Variants in WDR27 observed in about 807,000 individuals in gnomAD.
WDR27 encodes the protein WD repeat-containing protein 27.
Under a neutral mutation model 114.4 loss-of-function variants are expected in WDR27, and 100 were observed. The observed-to-expected ratio is 0.87, with a 90% CI of 0.74 to 1.03. The LOEUF (loss-of-function observed/expected upper bound fraction) is 1.03, where lower values mean the gene tolerates loss of function less well. Among genes scored for constraint, WDR27 ranks in the 50% least tolerant of loss-of-function variants. The pLI, the probability that WDR27 is intolerant of heterozygous loss-of-function variation, is 0.00. For missense variants in WDR27, 1,129 were observed against 1,092.9 expected (o/e 1.03, Z -0.47); for synonymous variants, 449 against 423.1 (o/e 1.06, Z -0.75).
intron 1 of WDR27, among the ~76,000 whole-genome samples, chr6:169,700,939 A>T (rs1787792360): frequency 6.6e-6 from 1 of 152,206 alleles, no homozygotes; most frequent in South Asian, 2.1e-4. Context: ...AAATAAACTA[A>T]ATTTATTATT....
chr6:169,481,360 T>C (rs1788027888), intron 25 of WDR27, among the ~76,000 whole-genome samples: 1 of 152,186 alleles, frequency 6.6e-6, no homozygotes, highest in African/African-American at 2.4e-5. Context: ...CAATCAGCTC[T>C]CTGTAAAATG....
intron 23 of WDR27, among the ~76,000 whole-genome samples, chr6:169,601,143 G>A (rs147349302): frequency 6.6e-6 from 1 of 152,220 alleles, no homozygotes; most frequent in South Asian, 2.1e-4. Context: ...CCAGAAGAGA[G>A]TGGGGGCCAA....
intron 23 of WDR27, among the ~76,000 whole-genome samples, chr6:169,598,287 G>A (rs974098963): frequency 5.3e-5 from 8 of 152,272 alleles, no homozygotes; most frequent in South Asian, 4.1e-4. Flanking sequence ...CTGAAACTGC[G>A]TAATATACAA....
At chr6:169,460,329 AT>A (rs1221343789) in intron 25 of WDR27, among the ~76,000 whole-genome samples, 1 of 152,190 alleles carries the variant, frequency 6.6e-6, no homozygotes, top group African/African-American at 2.4e-5. Flanking sequence ...AAGAAACATA[AT>A]TTTTTGTGTT....
chr6:169,571,446 G>A (rs558965312), intron 25 of WDR27, among the ~76,000 whole-genome samples: 3 of 152,056 alleles, frequency 2.0e-5, no homozygotes, highest in Non-Finnish European at 4.4e-5. Flanking sequence ...CCAACTTTTC[G>A]GACTCAAACC....
At chr6:169,630,351 A>G (rs1225806108) in intron 21 of WDR27, among the ~76,000 whole-genome samples, 1 of 152,164 alleles carries the variant, frequency 6.6e-6, no homozygotes, top group Non-Finnish European at 1.5e-5. Context: ...GGTAACAGCG[A>G]GTCACAGTTC....
chr6:169,432,413 A>G, the WDR27 span, among the ~76,000 whole-genome samples: 1 of 152,196 alleles, frequency 6.6e-6, no homozygotes, highest in Non-Finnish European at 1.5e-5. Context: ...GTCCCCACCC[A>G]AATCTCATCT....
At chr6:169,620,073 G>A (rs1406357397) in intron 21 of WDR27, among the ~76,000 whole-genome samples, 1 of 152,186 alleles carries the variant, frequency 6.6e-6, no homozygotes, top group East Asian at 1.9e-4. Context: ...CCCATCTGAC[G>A]AGAATTGATG....
rs1439642292 is a variant in WDR27, at chr6:169,691,473, G to A, written c.-7-2461C>T. On this transcript the variant is annotated intron_variant, in intron 1 of 25. Transcript: ENST00000448612. ...AACTTGAGCATGGCAGTAGGTGCTG[G>A]GCAGATGTGTCCTAAGGGAACAATA... Among the ~76,000 whole-genome samples, 3 of 152,100 alleles carry A rather than the reference G, an allele frequency of 2.0e-5. No individual in the cohort carries two copies. In the South Asian group the frequency reaches 6.2e-4, roughly 32 times the overall value.
intron 18 of WDR27, among the ~76,000 whole-genome samples, chr6:169,636,842 C>A (rs1393053795): frequency 1.3e-5 from 2 of 152,206 alleles, no homozygotes; most frequent in African/African-American, 4.8e-5. Flanking sequence ...TGTCTGCTCT[C>A]AAATTTAGAC....
intron 25 of WDR27, among the ~76,000 whole-genome samples, chr6:169,553,304 A>C (rs1478841497): frequency 6.6e-6 from 1 of 152,140 alleles, no homozygotes; most frequent in African/African-American, 2.4e-5. Context: ...GCCCATCCGC[A>C]AGCCATTCTT....
At chr6:169,461,647 T>TAAAAA (rs143277767) in intron 25 of WDR27, among the ~76,000 whole-genome samples, 1 of 138,050 alleles carries the variant, frequency 7.2e-6, no homozygotes, top group Admixed American at 7.1e-5. Flanking sequence ...ATGCTTGTAT[T>TAAAAA]AAAAAAAAAA....
chr6:169,531,575 G>A (rs1443872587), intron 25 of WDR27, among the ~76,000 whole-genome samples: 2 of 152,092 alleles, frequency 1.3e-5, no homozygotes, highest in African/African-American at 4.8e-5. Context: ...TCTACTCATG[G>A]TCTCATGGTC....
intron 23 of WDR27, among the ~76,000 whole-genome samples, chr6:169,588,388 C>A (rs556079263): frequency 6.6e-6 from 1 of 152,226 alleles, no homozygotes; most frequent in Admixed American, 6.5e-5. Flanking sequence ...CTAGTATCTA[C>A]ATATAGTTTA....
At position 169,643,707 on chromosome 6, in the gene WDR27, A is replaced by T. The variant is rs1217944837; in HGVS notation, c.1737T>A (p.Ala579=). 1 of 1,613,604 alleles carries T rather than the reference A, an allele frequency of 6.2e-7. No individual in the cohort carries two copies. Among genetic ancestry groups the T allele is most frequent in the East Asian group, 2.2e-5 (1 of 44,882 alleles). ...VFDASLTGTP[A]VFSGHDGAVN... ...TAAGACATGTTTTACCTGAAAACAC[A>T]GCAGGTGTCCCAGTCAGGCTGGCAT... Residue 579 remains alanine (A), a synonymous_variant, in exon 17 of 26, where the codon GCT becomes GCA. Coordinates refer to ENST00000448612, the MANE Select transcript of WDR27 (RefSeq NM_182552.5).
intron 1 of WDR27, among the ~76,000 whole-genome samples, chr6:169,699,625 A>G (rs1002183615): frequency 2.6e-5 from 4 of 152,184 alleles, no homozygotes; most frequent in Admixed American, 1.3e-4. Flanking sequence ...CTTCCAAGAC[A>G]GCATCCTCAT....
intron 2 of WDR27, among the ~76,000 whole-genome samples, chr6:169,675,577 CATCA>C (rs1779874737): frequency 6.6e-6 from 1 of 152,246 alleles, no homozygotes; most frequent in African/African-American, 2.4e-5. Context: ...AGGCATGAGA[CATCA>C]ATCAAATACA....
At chr6:169,534,712 T>A (rs917009433) in intron 25 of WDR27, among the ~76,000 whole-genome samples, 2 of 151,898 alleles carry the variant, frequency 1.3e-5, no homozygotes, top group Non-Finnish European at 2.9e-5. Flanking sequence ...ATTTTTAAAA[T>A]CTCTATAAAG....
chr6:169,537,355 G>C (rs1796305653), intron 25 of WDR27, among the ~76,000 whole-genome samples: 1 of 152,076 alleles, frequency 6.6e-6, no homozygotes, highest in African/African-American at 2.4e-5. Context: ...TGAGTAAGAG[G>C]GCTGCTTTAA....
Sources: allele counts gnomAD v4.1 joint callset (sites outside exome capture counted in the v4.1 genomes callset), GRCh38; gene constraint gnomAD v4.1.1; transcripts MANE v1.5; gene names NCBI Gene and HGNC (gene_info 2026-07-23, HGNC 2026-07-21).